Variants in DPP6 observed in about 807,000 individuals in gnomAD.
The protein encoded by DPP6 is A-type potassium channel modulatory protein DPP6.
In DPP6, 69 loss-of-function variants were observed where a neutral mutation model predicts 122.6. The observed-to-expected ratio is 0.56, with a 90% CI of 0.46 to 0.69. DPP6 has a LOEUF of 0.69. DPP6 is among the 30% of genes least tolerant of loss of function. The pLI, the probability that DPP6 is intolerant of heterozygous loss-of-function variation, is 0.00. For missense variants in DPP6, 928 were observed against 1,116.9 expected, an observed-to-expected ratio of 0.83 and a Z score of 2.41; for synonymous variants, 418 against 433.1, an observed-to-expected ratio of 0.97 and a Z score of 0.43.
intron 1 of DPP6, among the ~76,000 whole-genome samples, chr7:154,226,876 A>G (rs1034356338): frequency 2.0e-5 from 3 of 152,068 alleles, no homozygotes; most frequent in African/African-American, 7.2e-5. Flanking sequence ...ATCTCCTTGA[A>G]TCTCTCTTTT....
intron 1 of DPP6, among the ~76,000 whole-genome samples, chr7:153,919,532 AT>A (rs141851177): frequency 0.098 from 14,890 of 152,308 alleles, 976 homozygotes; most frequent in Middle Eastern, 0.17. Flanking sequence ...AATGTGTTTA[AT>A]AGAGGACTTC....
At chr7:154,538,360 A>C (rs755285660) in intron 3 of DPP6, among the ~76,000 whole-genome samples, 1 of 152,132 alleles carries the variant, frequency 6.6e-6, no homozygotes, top group Non-Finnish European at 1.5e-5. Context: ...TAAGCCCTGC[A>C]TGCATTAGCT....
the DPP6 span, among the ~76,000 whole-genome samples, chr7:153,815,184 T>C: frequency 1.3e-5 from 2 of 152,174 alleles, no homozygotes; most frequent in African/African-American, 2.4e-5. Flanking sequence ...TGTTTGCAAA[T>C]GACATGATCG....
the DPP6 span, among the ~76,000 whole-genome samples, chr7:153,783,277 C>G: frequency 1.3e-5 from 2 of 152,144 alleles, no homozygotes; most frequent in Admixed American, 1.3e-4. Context: ...GGGGAGGTCC[C>G]AGGAAACTTA....
intron 1 of DPP6, among the ~76,000 whole-genome samples, chr7:154,127,194 C>T (rs539161042): frequency 7.2e-5 from 11 of 152,250 alleles, no homozygotes; most frequent in Admixed American, 2.6e-4. Flanking sequence ...TACTAAGTTA[C>T]GTCATTTTAA....
At chr7:154,736,129 G>A (rs1842560135) in intron 8 of DPP6, among the ~76,000 whole-genome samples, 1 of 152,252 alleles carries the variant, frequency 6.6e-6, no homozygotes, top group Non-Finnish European at 1.5e-5. Context: ...AACACAAAGT[G>A]TATGCCCTCA....
chr7:154,629,962 A>G (rs185122806), intron 5 of DPP6, among the ~76,000 whole-genome samples: 158 of 152,294 alleles, frequency 1.0e-3, no homozygotes, highest in Admixed American at 5.1e-3. Context: ...ACTCTACACA[A>G]TGCTGGTAAC....
intron 8 of DPP6, among the ~76,000 whole-genome samples, chr7:154,766,166 G>A (rs1795885029): frequency 6.6e-6 from 1 of 152,130 alleles, no homozygotes; most frequent in South Asian, 2.1e-4. Flanking sequence ...AGTTTTGTAC[G>A]GCTGGCATTT....
intron 1 of DPP6, among the ~76,000 whole-genome samples, chr7:153,929,291 G>A (rs1400716723): frequency 6.6e-6 from 1 of 152,108 alleles, no homozygotes; most frequent in Non-Finnish European, 1.5e-5. Flanking sequence ...TAAGATGTGG[G>A]GAATGAGACA....
chr7:153,861,092 T>C, the DPP6 span, among the ~76,000 whole-genome samples: 1 of 152,232 alleles, frequency 6.6e-6, no homozygotes, highest in Non-Finnish European at 1.5e-5. Context: ...GCACAGATAA[T>C]GCTTTTTTTT....
intron 5 of DPP6, among the ~76,000 whole-genome samples, chr7:154,579,287 G>C (rs1345799754): frequency 6.6e-6 from 1 of 152,022 alleles, no homozygotes; most frequent in East Asian, 1.9e-4. Context: ...AGGCAGAGGT[G>C]GCAGTGAGCT....
At chr7:154,706,376 C>A (rs558894580) in intron 7 of DPP6, among the ~76,000 whole-genome samples, 2 of 152,318 alleles carry the variant, frequency 1.3e-5, no homozygotes, top group South Asian at 2.1e-4. Flanking sequence ...ATTCTCAGGG[C>A]AGACCTCACA....
chr7:154,563,799 G>A (rs921290685), intron 4 of DPP6, among the ~76,000 whole-genome samples: 3 of 152,162 alleles, frequency 2.0e-5, no homozygotes, highest in Non-Finnish European at 4.4e-5. Context: ...AAGTACAGAT[G>A]TCAGGGAGGC....
chr7:154,058,076 CG>C (rs1563142147), intron 1 of DPP6: 1 of 138,016 alleles, frequency 7.2e-6, no homozygotes, highest in African/African-American at 2.7e-5. Flanking sequence ...ACTCCCATTG[CG>C]GGTGGAGGGA....
At chr7:153,886,372 T>C (rs1357071322), upstream of DPP6, among the ~76,000 whole-genome samples, 4 of 152,130 alleles carry the variant, frequency 2.6e-5, no homozygotes, top group East Asian at 7.8e-4. Context: ...AACCCGCCTC[T>C]TGGGGTGGAG....
At chr7:154,508,754 G>C (rs1189238802) in intron 3 of DPP6, among the ~76,000 whole-genome samples, 1 of 152,124 alleles carries the variant, frequency 6.6e-6, no homozygotes, top group Non-Finnish European at 1.5e-5. Context: ...GCACTAATTA[G>C]ACTTTCCAAG....
chr7:154,029,964 G>GA (rs369891394), intron 1 of DPP6, among the ~76,000 whole-genome samples: 5 of 152,160 alleles, frequency 3.3e-5, no homozygotes, highest in African/African-American at 1.2e-4. Context: ...GGGAAGCTGA[G>GA]GGGGGCAGAT....
intron 1 of DPP6, among the ~76,000 whole-genome samples, chr7:154,211,402 G>A (rs79432610): frequency 7.9e-4 from 121 of 152,228 alleles, no homozygotes; most frequent in Non-Finnish European, 1.5e-3. Flanking sequence ...TTTTTCCAGC[G>A]AGCACCCCTC....
the DPP6 span, among the ~76,000 whole-genome samples, chr7:153,852,796 A>G: frequency 1.3e-5 from 2 of 152,190 alleles, no homozygotes; most frequent in African/African-American, 4.8e-5. Context: ...GGTATTTTCT[A>G]TTCTGCTCAA....
Sources: allele counts gnomAD v4.1 joint callset (sites outside exome capture counted in the v4.1 genomes callset), GRCh38; gene constraint gnomAD v4.1.1; transcripts MANE v1.5; gene names NCBI Gene and HGNC (gene_info 2026-07-23, HGNC 2026-07-21).